Variants in FCHO2 observed in about 807,000 individuals in gnomAD.
FCHO2 encodes F-BAR domain only protein 2.
In FCHO2, 43 loss-of-function variants were observed where a neutral mutation model predicts 114.1. That is an observed-to-expected ratio of 0.38 (90% confidence interval 0.30 to 0.49). The LOEUF (loss-of-function observed/expected upper bound fraction) is 0.49, where lower values mean the gene tolerates loss of function less well. Among genes scored for constraint, FCHO2 ranks in the 20% least tolerant of loss-of-function variants. FCHO2 has a pLI of 0.97. For synonymous variants in FCHO2, 293 were observed against 315.2 expected (o/e 0.93, Z 0.75); for missense variants, 807 against 950.4 (o/e 0.85, Z 1.98).
chr5:73,037,529 A>G (rs1756581028), intron 10 of FCHO2, among the ~76,000 whole-genome samples: 1 of 152,142 alleles, frequency 6.6e-6, no homozygotes, highest in South Asian at 2.1e-4. Context: ...AAAAGTGCAA[A>G]GAAAACTAAA....
chr5:73,071,192 G>A (rs1464131716), intron 19 of FCHO2, among the ~76,000 whole-genome samples: 2 of 151,838 alleles, frequency 1.3e-5, no homozygotes, highest in South Asian at 2.1e-4. Context: ...ATAAAAACAC[G>A]ATATTTTTGC....
At chr5:72,964,136 A>G (rs994915608) in intron 1 of FCHO2, among the ~76,000 whole-genome samples, 2 of 152,034 alleles carry the variant, frequency 1.3e-5, no homozygotes, top group Non-Finnish European at 2.9e-5. Context: ...AAAATTAAAA[A>G]ATTAACTACT....
chr5:73,078,882 A>C (rs1382044692), intron 22 of FCHO2, among the ~76,000 whole-genome samples: 2 of 152,328 alleles, frequency 1.3e-5, no homozygotes, highest in African/African-American at 4.8e-5. Flanking sequence ...TAGTGGAGAA[A>C]AATATTCACA....
At position 73,084,758 on chromosome 5, in the gene FCHO2, A is replaced by G. The variant is rs73099960; in HGVS notation, c.2245+1933A>G. 5.4e-3 allele frequency among the ~76,000 whole-genome samples: 827 copies of G among 152,342 alleles called. 7 individuals are homozygous for G. Among genetic ancestry groups the G allele is most frequent in the African/African-American group, 0.019 (786 of 41,578 alleles). ...ACCTGCCATGCAGAATAAGACTTTT[A>G]CTGGAGAGCCATACATTGGGTGAAA... On this transcript the variant is annotated intron_variant, in intron 24 of 25. Transcript: ENST00000430046.
intron 5 of FCHO2, among the ~76,000 whole-genome samples, chr5:73,000,189 C>G (rs142324399): frequency 6.6e-6 from 1 of 152,000 alleles, no homozygotes; most frequent in Admixed American, 6.6e-5. Context: ...AAAAATTTTG[C>G]AGGCCAGGCA....
At chr5:73,024,468 C>G (rs1755807526) in intron 8 of FCHO2, among the ~76,000 whole-genome samples, 1 of 150,514 alleles carries the variant, frequency 6.6e-6, no homozygotes, top group Admixed American at 6.6e-5. Context: ...GAGTCGGAGT[C>G]TCGCTCCGTC....
At chr5:73,015,779 C>G (rs1755274990) in intron 7 of FCHO2, 55 bp downstream of exon 7, 1 of 1,074,206 alleles carries the variant, frequency 9.3e-7, no homozygotes. Context: ...TTATTTATAG[C>G]TCTTTAAAAA....
Position 72,970,915 on chromosome 5 carries a change from T to C in FCHO2, c.125+2326T>C, listed in dbSNP as rs1318931124. Among the ~76,000 whole-genome samples, 18 of 152,122 alleles carry C rather than the reference T, an allele frequency of 1.2e-4. No individual in the cohort carries two copies. In the East Asian group the frequency reaches 1.4e-3, roughly 11 times the overall value. On this transcript the variant is annotated intron_variant, in intron 2 of 25. Transcript: ENST00000430046. ...CCTTCCTGTGTCCATGTGTTCTCAT[T>C]GTTCAATTCCCACCTATGAGTGAGA...
chr5:73,053,542 A>C (rs1281931228), intron 13 of FCHO2, among the ~76,000 whole-genome samples: 1 of 152,156 alleles, frequency 6.6e-6, no homozygotes, highest in Non-Finnish European at 1.5e-5. Flanking sequence ...AAAAATACAA[A>C]AAATTAGCCG....
At chr5:73,087,419 G>T (rs1743348113) in intron 24 of FCHO2, among the ~76,000 whole-genome samples, 170 bp from the exon 25 acceptor site, 1 of 152,158 alleles carries the variant, frequency 6.6e-6, no homozygotes, top group Admixed American at 6.5e-5. Flanking sequence ...AATGAAAATT[G>T]ATATTCACTA....
At position 72,990,559 on chromosome 5, in the gene FCHO2, A is replaced by G; in HGVS notation, c.282A>G (p.Leu94=). 1.9e-6 allele frequency: 3 copies of G among 1,541,644 alleles called. No individual in the cohort carries two copies. The highest frequency in any genetic ancestry group is 4.8e-5 in the East Asian group (2 of 41,416). ...GTCACTTGGATCTTGTTAGAAAATT[A>G]CAAGAATTAATAAAGGAAGTTCAGA... is the stretch of plus-strand genomic sequence containing the variant. ...ANCHLDLVRK[L]QELIKEVQKY... Residue 94 remains leucine (L), a synonymous_variant, in exon 4 of 26, where the codon TTA becomes TTG. Coordinates refer to ENST00000430046, the MANE Select transcript of FCHO2 (RefSeq NM_138782.3).
chr5:73,079,929 T>C (rs183712210), intron 22 of FCHO2, among the ~76,000 whole-genome samples: 38 of 152,336 alleles, frequency 2.5e-4, no homozygotes, highest in Non-Finnish European at 4.6e-4. Flanking sequence ...AATACATATT[T>C]ATTACATATT....
chr5:72,956,454 G>T (rs1419958295), intron 1 of FCHO2, among the ~76,000 whole-genome samples: 1 of 151,482 alleles, frequency 6.6e-6, no homozygotes, highest in Non-Finnish European at 1.5e-5. Flanking sequence ...GCCGCGCTCC[G>T]CGCGGGGCGT....
chr5:73,052,208 C>A, intron 12 of FCHO2, 124 bp from the exon 13 acceptor site: 1 of 935,082 alleles, frequency 1.1e-6, no homozygotes, highest in South Asian at 1.8e-5. Context: ...CAGGCGTGAG[C>A]CGTCGCACCC....
chr5:73,017,004 G>A (rs1755340034), intron 7 of FCHO2, among the ~76,000 whole-genome samples: 2 of 152,154 alleles, frequency 1.3e-5, no homozygotes, highest in African/African-American at 2.4e-5. Context: ...AGGGGCGTGA[G>A]GCTATGTGTT....
intron 13 of FCHO2, among the ~76,000 whole-genome samples, chr5:73,053,434 G>A (rs1478307832): frequency 4.6e-5 from 7 of 152,264 alleles, no homozygotes; most frequent in East Asian, 1.9e-4. Context: ...GGTGGCTCAC[G>A]CCTGTAATCC....
At chr5:73,051,581 T>C (rs1757339869) in intron 12 of FCHO2, among the ~76,000 whole-genome samples, 175 bp downstream of exon 12, 1 of 152,164 alleles carries the variant, frequency 6.6e-6, no homozygotes, top group Non-Finnish European at 1.5e-5. Flanking sequence ...TTTGGGTTTT[T>C]TTTGAGACAG....
At position 73,015,681 on chromosome 5, in the gene FCHO2, C is replaced by A; in HGVS notation, c.656C>A (p.Ser219Tyr). 3 of 1,583,320 alleles carry A rather than the reference C, an allele frequency of 1.9e-6. No individual in the cohort carries two copies. The highest frequency in any genetic ancestry group is 2.6e-6 in the Non-Finnish European group (3 of 1,170,020). The change falls in exon 7 of 26, where the codon TCC becomes TAC. Residue 219 changes from serine (S) to tyrosine (Y), a missense_variant. Ser to Tyr is a moderately radical substitution (Grantham distance 144). Transcript: ENST00000430046. ...ATTCACATAAAGGAAATTATAGGAT[C>A]CTTGTCAAATGCTATAAAGGAAATT... ...HLIHIKEIIG[S>Y]LSNAIKEIHL...
chr5:73,034,420 A>G (rs769007315), intron 8 of FCHO2: 1 of 367,862 alleles, frequency 2.7e-6, no homozygotes, highest in Non-Finnish European at 4.8e-6. Context: ...TTTTCAGTAA[A>G]TTATTGTGAT....
Sources: gnomAD v4.1 joint callset for allele counts (sites outside exome capture counted in the v4.1 genomes callset) on GRCh38, gnomAD v4.1.1 for gene constraint, MANE v1.5 for transcripts, NCBI Gene and HGNC (gene_info 2026-07-23, HGNC 2026-07-21) for gene names.